The following ANK2 variants were observed in gnomAD, a reference collection of about 807,000 sequenced individuals.
ANK2 encodes ankyrin-2.
Under a neutral mutation model 360.5 loss-of-function variants are expected in ANK2, and 83 were observed. The ratio of observed to expected loss-of-function variants is 0.23; its 90% confidence interval spans 0.19 to 0.28. ANK2 has a LOEUF of 0.28. Among genes scored for constraint, ANK2 ranks in the 10% least tolerant of loss-of-function variants. The pLI, the probability that ANK2 is intolerant of heterozygous loss-of-function variation, is 1.00. For synonymous variants in ANK2, 1,740 were observed against 1,759.5 expected (o/e 0.99, Z 0.28); for missense variants, 4,201 against 4,795.7 (o/e 0.88, Z 3.66).
At chr4:113,362,611 A>C (rs2096286274) in intron 39 of ANK2, among the ~76,000 whole-genome samples, 1 of 152,024 alleles carries the variant, frequency 6.6e-6, no homozygotes, top group African/African-American at 2.4e-5. Context: ...TGCCCAGCTA[A>C]TTTTTTAAAA....
chr4:113,139,101 G>A (rs1409742401), intron 1 of ANK2, among the ~76,000 whole-genome samples: 1 of 152,080 alleles, frequency 6.6e-6, no homozygotes, highest in Non-Finnish European at 1.5e-5. Flanking sequence ...TAACTACCAT[G>A]GCATGTGAGT....
chr4:113,174,783 A>C (rs1158526924), intron 2 of ANK2, among the ~76,000 whole-genome samples: 4 of 152,140 alleles, frequency 2.6e-5, no homozygotes, highest in African/African-American at 9.7e-5. Context: ...CTTTAGCTGG[A>C]ATTTTGACCA....
chr4:113,016,508 C>A lies in ANK2; in HGVS notation c.21+111994C>A, dbSNP rs1456627071. On this transcript the variant is annotated intron_variant, in intron 2 of 30. Coordinates refer to the ANK2 transcript ENST00000503271. ...CCATCTCTTCTCTGCTCCAGGGATG[C>A]TCTTCTCTAGGTCTCACATTCTTCA... Among the ~76,000 whole-genome samples, 57 of 152,124 alleles carry A rather than the reference C, an allele frequency of 3.7e-4. 1 individual carries two copies. Among genetic ancestry groups the A allele is most frequent in the Admixed American group, 3.7e-3 (57 of 15,280 alleles).
chr4:112,782,149 T>C, the ANK2 span, among the ~76,000 whole-genome samples: 4 of 152,166 alleles, frequency 2.6e-5, no homozygotes, highest in East Asian at 5.8e-4. Flanking sequence ...TTTAGAAGTC[T>C]TTATATTTTA....
At chr4:112,931,433 C>CTTTT (rs59802557) in intron 2 of ANK2, among the ~76,000 whole-genome samples, 73 of 85,180 alleles carry the variant, frequency 8.6e-4, no homozygotes, top group African/African-American at 2.0e-3. Flanking sequence ...TCTTTCTTTT[C>CTTTT]TTTTTTTTTT....
At chr4:112,720,490 T>C in the ANK2 span, among the ~76,000 whole-genome samples, 1 of 152,214 alleles carries the variant, frequency 6.6e-6, no homozygotes, top group Admixed American at 6.5e-5. Context: ...TCCTAATTGG[T>C]CTCACTCTCT....
At chr4:113,282,896 A>G (rs201722327) in intron 18 of ANK2, 24 bp downstream of exon 18, 14 of 1,612,084 alleles carry the variant, frequency 8.7e-6, no homozygotes, top group African/African-American at 6.7e-5. Flanking sequence ...TCTTGCATCA[A>G]TCAAGAGTGT....
At chr4:112,944,189 T>C (rs2094414130) in intron 2 of ANK2, among the ~76,000 whole-genome samples, 1 of 152,208 alleles carries the variant, frequency 6.6e-6, no homozygotes, top group Admixed American at 6.5e-5. Context: ...CATGCATCCA[T>C]TTATTATGGC....
intron 20 of ANK2, among the ~76,000 whole-genome samples, chr4:113,291,474 A>T (rs2067540109): frequency 1.3e-5 from 2 of 152,234 alleles, no homozygotes; most frequent in South Asian, 2.1e-4. Context: ...CACTTAGGTA[A>T]CCCTGATACA....
chr4:113,315,317 A>G (rs2082172545), intron 24 of ANK2, among the ~76,000 whole-genome samples: 1 of 152,120 alleles, frequency 6.6e-6, no homozygotes, highest in Non-Finnish European at 1.5e-5. Context: ...AGCCATAGTC[A>G]CTCCTTGAGA....
chr4:113,233,944 C>A (rs900772721), intron 5 of ANK2, among the ~76,000 whole-genome samples: 1 of 152,106 alleles, frequency 6.6e-6, no homozygotes, highest in Admixed American at 6.5e-5. Flanking sequence ...TATCTTCAGG[C>A]AGAGCTCAGG....
intron 4 of ANK2, among the ~76,000 whole-genome samples, chr4:113,210,251 G>C (rs1584946567): frequency 1.3e-5 from 2 of 152,238 alleles, no homozygotes; most frequent in South Asian, 4.1e-4. Flanking sequence ...TTCTATTTTG[G>C]GGATAAAATA....
At chr4:113,307,899 A>G (rs2153811472) in intron 23 of ANK2, among the ~76,000 whole-genome samples, 1 of 152,348 alleles carries the variant, frequency 6.6e-6, no homozygotes. Context: ...AACATTGGAC[A>G]ATAAAACAAC....
chr4:113,281,297 G>A (rs2062212435), intron 17 of ANK2, among the ~76,000 whole-genome samples: 1 of 152,074 alleles, frequency 6.6e-6, no homozygotes, highest in Admixed American at 6.6e-5. Context: ...CAGCACTTTA[G>A]GGGGCCAAGG....
intron 22 of ANK2, among the ~76,000 whole-genome samples, chr4:113,298,244 A>G (rs1336401495): frequency 6.6e-6 from 1 of 152,220 alleles, no homozygotes; most frequent in African/African-American, 2.4e-5. Flanking sequence ...CAGTATTTAC[A>G]TAATATTTAA....
At chr4:112,804,512 A>G in the ANK2 span, among the ~76,000 whole-genome samples, 1 of 152,190 alleles carries the variant, frequency 6.6e-6, no homozygotes, top group Non-Finnish European at 1.5e-5. Flanking sequence ...GCATTTGCAT[A>G]TAGATAACAT....
chr4:112,866,405 G>T (rs751787359), intron 1 of ANK2, among the ~76,000 whole-genome samples: 2 of 152,186 alleles, frequency 1.3e-5, no homozygotes, highest in Non-Finnish European at 2.9e-5. Context: ...AAGTGAGTGA[G>T]TGACTAAACC....
the ANK2 span, among the ~76,000 whole-genome samples, chr4:112,792,081 G>A: frequency 2.0e-5 from 2 of 101,626 alleles, no homozygotes; most frequent in Non-Finnish European, 3.6e-5. Context: ...TGCTCTTGTT[G>A]CCCAGGCTGG....
intron 1 of ANK2, among the ~76,000 whole-genome samples, chr4:113,125,516 A>G (rs1170407925): frequency 6.6e-6 from 1 of 152,162 alleles, no homozygotes; most frequent in Non-Finnish European, 1.5e-5. Flanking sequence ...AAAGCTCCAT[A>G]AAAACAAATT....
Sources: gnomAD v4.1 joint callset for allele counts (sites outside exome capture counted in the v4.1 genomes callset) on GRCh38, gnomAD v4.1.1 for gene constraint, MANE v1.5 for transcripts, NCBI Gene and HGNC (gene_info 2026-07-23, HGNC 2026-07-21) for gene names.